The following PRIMA1 variants were observed in gnomAD, a reference collection of about 807,000 sequenced individuals.
PRIMA1 encodes proline rich membrane anchor 1.
A neutral mutation model predicts 17.5 loss-of-function variants in PRIMA1; 7 were observed. The observed-to-expected ratio is 0.40, with a 90% confidence interval of 0.23 to 0.75. The LOEUF (loss-of-function observed/expected upper bound fraction) is 0.75. PRIMA1 is among the 30% of genes least tolerant of loss of function. The pLI, the probability that PRIMA1 is intolerant of heterozygous loss-of-function variation, is 0.37. For synonymous variants in PRIMA1, 97 were observed against 77.9 expected (o/e 1.25, Z -1.29); for missense variants, 200 against 201.8 (o/e 0.99, Z 0.05).
intron 1 of PRIMA1, 108 bp from the exon 2 acceptor site, chr14:93,787,857 G>C (rs1366751596): frequency 1.6e-5 from 21 of 1,332,408 alleles, no homozygotes; most frequent in Non-Finnish European, 2.0e-5. Context: ...CCCGCACCCA[G>C]GGGCACCCTA....
At chr14:93,787,937 CTCT>C (rs1202355444) in intron 1 of PRIMA1, among the ~76,000 whole-genome samples, 188 bp from the exon 2 acceptor site, 1 of 152,216 alleles carries the variant, frequency 6.6e-6, no homozygotes, top group East Asian at 1.9e-4. Context: ...AGAATTCACA[CTCT>C]TCTTACGCAC....
At chr14:93,787,054 CCT>C (rs1270562073) in intron 2 of PRIMA1, among the ~76,000 whole-genome samples, 1 of 152,146 alleles carries the variant, frequency 6.6e-6, no homozygotes, top group Non-Finnish European at 1.5e-5. Context: ...CATTGAAACC[CCT>C]CTCTGACCCT....
intron 3 of PRIMA1, 60 bp from the exon 4 acceptor site, chr14:93,737,430 G>A (rs1326950683): frequency 2.5e-6 from 4 of 1,584,198 alleles, no homozygotes; most frequent in African/African-American, 1.3e-5. Flanking sequence ...GCCAGTGACA[G>A]AGGTGGGACC....
Position 93,726,395 on chromosome 14 carries a change from C to T in PRIMA1, c.360-4849G>A, listed in dbSNP as rs1483239755. ...AGGGAGGCTGTCTTCCTGCCTCATG[C>T]GCCCCTGGGAGAAGTGAAAGTTAAA... On this transcript the variant is annotated intron_variant, in intron 4 of 4. Coordinates refer to ENST00000393140, the MANE Select transcript of PRIMA1 (RefSeq NM_178013.4). The surrounding 1 kb of genome is among the most constrained non-coding windows in gnomAD (Gnocchi z 4.2). Among the ~76,000 whole-genome samples the T allele has an allele frequency of 6.6e-6, 1 of 152,120 alleles. No homozygotes were observed. The highest frequency in any genetic ancestry group is 1.5e-5 in the Non-Finnish European group (1 of 68,020).
intron 3 of PRIMA1, among the ~76,000 whole-genome samples, chr14:93,749,496 C>G (rs983504243): frequency 4.6e-5 from 7 of 152,128 alleles, no homozygotes; most frequent in Non-Finnish European, 8.8e-5. Context: ...CAGACTGATT[C>G]CCAGCTCACC....
intron 4 of PRIMA1, among the ~76,000 whole-genome samples, chr14:93,731,637 T>TC (rs1794602025): frequency 6.6e-6 from 1 of 152,170 alleles, no homozygotes; most frequent in African/African-American, 2.4e-5. Flanking sequence ...CTCCTTCTCT[T>TC]CCCCATTAAC....
Position 93,767,442 on chromosome 14 carries a change from G to A in PRIMA1, c.229+11734C>T, listed in dbSNP as rs143013454. Among the ~76,000 whole-genome samples the A allele has an allele frequency of 1.6e-3, 246 of 152,248 alleles. 1 individual carries two copies. The highest frequency in any genetic ancestry group is 5.4e-3 in the African/African-American group (225 of 41,534). On this transcript the variant is annotated intron_variant, in intron 3 of 4. Transcript: ENST00000393140. ...AGGGATGGGAAGTTAGAGAATGCCCGGCACTATCAGGTCCCAGAGCCCAGA... is the reference window on the plus strand; with the variant it reads ...AGGGATGGGAAGTTAGAGAATGCCCAGCACTATCAGGTCCCAGAGCCCAGA...
intron 3 of PRIMA1, among the ~76,000 whole-genome samples, chr14:93,737,786 GC>G (rs1363632151): frequency 6.6e-6 from 1 of 152,236 alleles, no homozygotes; most frequent in African/African-American, 2.4e-5. Context: ...CTCCATCCCT[GC>G]CCCGGCGTGC....
At chr14:93,785,188 C>CAA (rs386382197) in intron 2 of PRIMA1, among the ~76,000 whole-genome samples, 39,973 of 109,804 alleles carry the variant, frequency 0.36, 8,618 homozygotes, top group African/African-American at 0.58. Context: ...TCTTCTCTTT[C>CAA]AAAAAAAAAA....
At chr14:93,764,424 T>TTC (rs1365055168) in intron 3 of PRIMA1, among the ~76,000 whole-genome samples, 3 of 151,856 alleles carry the variant, frequency 2.0e-5, no homozygotes, top group Non-Finnish European at 4.4e-5. Context: ...TCCTGCATGT[T>TTC]CTGCCCCCCC....
intron 4 of PRIMA1, among the ~76,000 whole-genome samples, chr14:93,730,328 C>G (rs2076106146): frequency 6.6e-6 from 1 of 152,244 alleles, no homozygotes; most frequent in Non-Finnish European, 1.5e-5. Context: ...ACAGCTATAA[C>G]TCTAGCAGTT....
chr14:93,752,506 C>G (rs1475012522), intron 3 of PRIMA1, among the ~76,000 whole-genome samples: 2 of 152,230 alleles, frequency 1.3e-5, no homozygotes, highest in African/African-American at 2.4e-5. Flanking sequence ...TAAGTACTCA[C>G]TATATCTTCC....
intron 2 of PRIMA1, among the ~76,000 whole-genome samples, chr14:93,784,366 C>T (rs951242482): frequency 2.6e-5 from 4 of 151,968 alleles, no homozygotes; most frequent in African/African-American, 4.8e-5. Flanking sequence ...CATGGTTTTG[C>T]TGTGTTGTCC....
chr14:93,748,501 C>G (rs913522470), intron 3 of PRIMA1, among the ~76,000 whole-genome samples: 2 of 152,160 alleles, frequency 1.3e-5, no homozygotes, highest in African/African-American at 4.8e-5. Flanking sequence ...CTGAGCCCGA[C>G]AGGGTGCAGG....
chr14:93,736,223 G>C (rs1007161877), intron 4 of PRIMA1, among the ~76,000 whole-genome samples: 2 of 152,132 alleles, frequency 1.3e-5, no homozygotes, highest in East Asian at 1.9e-4. Context: ...GTGTAGTCAG[G>C]GCTGGGCTTT....
chr14:93,778,126 G>A (rs549411238), intron 3 of PRIMA1, among the ~76,000 whole-genome samples: 1 of 152,362 alleles, frequency 6.6e-6, no homozygotes, highest in South Asian at 2.1e-4. Context: ...AATCACCTCA[G>A]AACCTGTAAT....
intron 2 of PRIMA1, among the ~76,000 whole-genome samples, chr14:93,781,133 C>T (rs1028962431): frequency 6.6e-5 from 10 of 152,380 alleles, no homozygotes; most frequent in Middle Eastern, 3.4e-3. Flanking sequence ...GGCTAAGAGG[C>T]TCCTGCTCAT....
chr14:93,725,856 C>A, intron 4 of PRIMA1: 1 of 441,548 alleles, frequency 2.3e-6, no homozygotes, highest in Middle Eastern at 3.4e-4. Context: ...CCCCGTGGGG[C>A]TCCGGAAATG....
rs534464611 is a variant in PRIMA1 at position 93,744,437 on chromosome 14, C to T, written c.230-7067G>A. ...GTGCCAGGGCGTCCACCTCCTATGGCGGCTGGGGGAGGTCTGGAGAGCCAG... is the reference window on the plus strand; with the variant it reads ...GTGCCAGGGCGTCCACCTCCTATGGTGGCTGGGGGAGGTCTGGAGAGCCAG... On this transcript the variant is annotated intron_variant, in intron 3 of 4. Transcript: ENST00000393140. Among the ~76,000 whole-genome samples the T allele has an allele frequency of 2.2e-3, 336 of 152,356 alleles. 3 individuals carry two copies. Among genetic ancestry groups the T allele is most frequent in the African/African-American group, 7.6e-3 (318 of 41,588 alleles).
Sources: gnomAD v4.1 joint callset for allele counts (sites outside exome capture counted in the v4.1 genomes callset) on GRCh38, gnomAD v4.1.1 for gene constraint, Gnocchi (gnomAD v3.1) non-coding constraint, MANE v1.5 for transcripts, NCBI Gene and HGNC (gene_info 2026-07-23, HGNC 2026-07-21) for gene names.